ALDH1L1: variants seen among roughly 807,000 people sequenced by gnomAD.
ALDH1L1 encodes the protein aldehyde dehydrogenase 1 family member L1.
ALDH1L1 carries 68 observed loss-of-function variants against 101.1 expected under a neutral mutation model. The observed-to-expected ratio is 0.67, with a 90% CI of 0.55 to 0.82. ALDH1L1 has a LOEUF of 0.82. Among genes scored for constraint, ALDH1L1 ranks in the 40% least tolerant of loss-of-function variants. ALDH1L1 has a pLI of 0.00. For missense variants in ALDH1L1, 1,087 were observed against 1,172.7 expected, an observed-to-expected ratio of 0.93 and a Z score of 1.07; for synonymous variants, 486 against 470.8, an observed-to-expected ratio of 1.03 and a Z score of -0.42.
At chr3:126,177,399 A>C (rs1180705448) in intron 1 of ALDH1L1, among the ~76,000 whole-genome samples, 1 of 152,256 alleles carries the variant, frequency 6.6e-6, no homozygotes, top group Non-Finnish European at 1.5e-5. Context: ...TTACCAAGTC[A>C]CAGAAAGACA....
intron 1 of ALDH1L1, among the ~76,000 whole-genome samples, chr3:126,194,266 G>A (rs2081568789): frequency 6.6e-6 from 1 of 152,146 alleles, no homozygotes; most frequent in Non-Finnish European, 1.5e-5. Flanking sequence ...TTCACTAAAT[G>A]TAATCTGAAG....
chr3:126,103,892 G>A, intron 22 of ALDH1L1, 46 bp from the exon 23 acceptor site: 1 of 1,598,264 alleles, frequency 6.3e-7, no homozygotes, highest in African/African-American at 1.3e-5. Flanking sequence ...CACAGGCAGG[G>A]CACTGCTCGG....
chr3:126,166,026 T>C (rs2081161844), intron 1 of ALDH1L1, among the ~76,000 whole-genome samples: 1 of 152,182 alleles, frequency 6.6e-6, no homozygotes, highest in Non-Finnish European at 1.5e-5. Flanking sequence ...TAATTTGAGA[T>C]CTTTCTATCT....
upstream of ALDH1L1, among the ~76,000 whole-genome samples, chr3:126,185,094 G>A (rs1323947183): frequency 6.6e-6 from 1 of 152,186 alleles, no homozygotes; most frequent in East Asian, 1.9e-4. Context: ...TAGAGGCGAA[G>A]GTAGGGATGA....
chr3:126,138,483 C>T (rs2080499736), intron 9 of ALDH1L1, among the ~76,000 whole-genome samples: 1 of 152,150 alleles, frequency 6.6e-6, no homozygotes, highest in Non-Finnish European at 1.5e-5. Context: ...TGAACAGATG[C>T]CTCTCAAAAG....
chr3:126,139,944 A>G (rs1296841936), intron 9 of ALDH1L1, among the ~76,000 whole-genome samples: 1 of 59,416 alleles, frequency 1.7e-5, no homozygotes, highest in Non-Finnish European at 4.3e-5. Context: ...ACATACTCAC[A>G]GGAGCTCCAG....
intron 17 of ALDH1L1, among the ~76,000 whole-genome samples, chr3:126,117,286 AGTATATTTTAT>A (rs2079988907): frequency 6.6e-6 from 1 of 151,740 alleles, no homozygotes; most frequent in Non-Finnish European, 1.5e-5. Context: ...TAATCCTAAT[AGTATATTTTAT>A]TATATTTTAT....
At chr3:126,126,848 G>C (rs147037109) in intron 14 of ALDH1L1, among the ~76,000 whole-genome samples, 1 of 152,204 alleles carries the variant, frequency 6.6e-6, no homozygotes, top group African/African-American at 2.4e-5. Flanking sequence ...TGGTAGCACT[G>C]GGGTGGGCGG....
chr3:126,143,652 T>G (rs2080613919), intron 9 of ALDH1L1, among the ~76,000 whole-genome samples: 1 of 152,216 alleles, frequency 6.6e-6, no homozygotes, highest in Admixed American at 6.5e-5. Flanking sequence ...TAACATGATC[T>G]TACATGTAGA....
At chr3:126,165,583 T>C (rs188159092) in intron 1 of ALDH1L1, among the ~76,000 whole-genome samples, 39 of 152,370 alleles carry the variant, frequency 2.6e-4, no homozygotes, top group Non-Finnish European at 4.9e-4. Context: ...TTGTTTTCAT[T>C]ACTGATTCAG....
intron 1 of ALDH1L1, among the ~76,000 whole-genome samples, chr3:126,163,521 G>A (rs557990401): frequency 6.6e-6 from 1 of 152,252 alleles, no homozygotes; most frequent in Admixed American, 6.5e-5. Context: ...TGTGACCTTG[G>A]GAAGAAACCA....
chr3:126,136,921 C>T (rs1296008648), intron 10 of ALDH1L1, 38 bp from the exon 11 acceptor site: 1 of 1,611,812 alleles, frequency 6.2e-7, no homozygotes, highest in Non-Finnish European at 8.5e-7. Context: ...CAAACCCATG[C>T]AGGGTGCAGG....
intron 1 of ALDH1L1, among the ~76,000 whole-genome samples, chr3:126,178,651 A>T (rs1239978914): frequency 1.3e-5 from 2 of 152,200 alleles, no homozygotes; most frequent in Admixed American, 1.3e-4. Context: ...ACATTAAATT[A>T]TTAGAAAATA....
intron 19 of ALDH1L1, among the ~76,000 whole-genome samples, chr3:126,110,925 T>G (rs1271325580): frequency 6.6e-6 from 1 of 152,228 alleles, no homozygotes; most frequent in Admixed American, 6.5e-5. Context: ...GTGACTGTCC[T>G]GAGAATTATC....
At chr3:126,129,941 T>C (rs949435188) in intron 14 of ALDH1L1, 2 of 259,612 alleles carry the variant, frequency 7.7e-6, no homozygotes. Flanking sequence ...GTTCCTCATC[T>C]TTATGAACAC....
At chr3:126,146,093 C>G (rs1194207401) in intron 9 of ALDH1L1, among the ~76,000 whole-genome samples, 2 of 152,330 alleles carry the variant, frequency 1.3e-5, no homozygotes, top group Non-Finnish European at 2.9e-5. Context: ...AGCCCCAACT[C>G]ATATGCATGG....
intron 4 of ALDH1L1, chr3:126,156,276 C>T (rs1429254340): frequency 6.6e-6 from 1 of 152,178 alleles, no homozygotes; most frequent in Non-Finnish European, 1.5e-5. Flanking sequence ...AGTTGCTTGC[C>T]GTGGGAAGCA....
At position 126,146,866 on chromosome 3, in the gene ALDH1L1, TG is replaced by T. The variant is rs777423360; in HGVS notation, c.1044del (p.Phe348LeufsTer11). The T allele has an allele frequency of 1.9e-6, 3 of 1,614,078 alleles. No homozygotes were observed. Among genetic ancestry groups the T allele is most frequent in the Non-Finnish European group, 2.5e-6 (3 of 1,179,944 alleles). ...ACGTCCACAGACGCGGCCCCTGACT[TG>T]AAGAAATCAGTGGAGTCTTCAACCT... ...VLEVEDSTDFFKSGAASVDVV... is the reference protein window; with the variant it reads ...VLEVEDSTDFXKSGAASVDVV... On this transcript the variant is annotated frameshift_variant, in exon 9 of 23. Coordinates refer to ENST00000393434, the MANE Select transcript of ALDH1L1 (RefSeq NM_012190.4). LOFTEE classifies it high-confidence loss of function.
At chr3:126,109,825 A>T in intron 20 of ALDH1L1, 119 bp downstream of exon 20, 1 of 1,422,490 alleles carries the variant, frequency 7.0e-7, no homozygotes, top group Non-Finnish European at 9.5e-7. Flanking sequence ...ATGGGGCTGC[A>T]GCCTGACTGT....
Sources: allele counts gnomAD v4.1 joint callset (sites outside exome capture counted in the v4.1 genomes callset), GRCh38; gene constraint gnomAD v4.1.1; transcripts MANE v1.5; gene names NCBI Gene and HGNC (gene_info 2026-07-23, HGNC 2026-07-21).